The following PACS1 variants were observed in gnomAD, a reference collection of about 807,000 sequenced individuals.
PACS1 encodes phosphofurin acidic cluster sorting protein 1.
A neutral mutation model predicts 115.0 loss-of-function variants in PACS1; 24 were observed. The ratio of observed to expected loss-of-function variants is 0.21; its 90% CI spans 0.15 to 0.29. PACS1 has a LOEUF of 0.29. PACS1 is among the 10% of genes least tolerant of loss of function. The pLI, the probability that PACS1 is intolerant of heterozygous loss-of-function variation, is 1.00. For missense variants in PACS1, 838 were observed against 1,251.2 expected (o/e 0.67, Z 4.98); for synonymous variants, 453 against 504.5 (o/e 0.90, Z 1.37).
At chr11:66,124,952 C>T (rs921913324) in intron 1 of PACS1, among the ~76,000 whole-genome samples, 1 of 152,146 alleles carries the variant, frequency 6.6e-6, no homozygotes, top group Non-Finnish European at 1.5e-5. Flanking sequence ...GGTGGCCTGT[C>T]GCAGTTCCAG....
intron 1 of PACS1, among the ~76,000 whole-genome samples, chr11:66,127,654 CA>C (rs1858611980): frequency 6.6e-6 from 1 of 152,220 alleles, no homozygotes; most frequent in South Asian, 2.1e-4. Context: ...GTATTTCAGA[CA>C]GCGGCTCAAG....
In PACS1 at chr11:66,070,980, GCCTC is replaced by G; in HGVS notation, c.356+141_356+144del. 1 of 927,230 alleles carries G rather than the reference GCCTC, an allele frequency of 1.1e-6. No individual in the cohort carries two copies. Among genetic ancestry groups the G allele is most frequent in the Non-Finnish European group, 1.5e-6 (1 of 683,880 alleles). 57.4% of individuals were successfully genotyped at this position (927,230 alleles called of 1,614,324 possible). Reference sequence around the variant, plus strand: ...CGCGGCCCGGCCTGGCTCCAGCCAGGCCTCCCGGGACTCCTGCCACGGGGACCCG... The same window carrying G: ...CGCGGCCCGGCCTGGCTCCAGCCAGGCCGGGACTCCTGCCACGGGGACCCG... On this transcript the variant is annotated intron_variant, in intron 1 of 23. Coordinates refer to ENST00000320580, the MANE Select transcript of PACS1 (RefSeq NM_018026.4). The surrounding 1 kb of genome is among the most constrained non-coding windows in gnomAD (Gnocchi z 5.9).
Position 66,070,780 on chromosome 11 carries a change from G to A in PACS1, c.294G>A (p.Pro98=). 8 of 1,528,452 alleles carry A rather than the reference G, an allele frequency of 5.2e-6. No homozygotes were observed. The highest frequency in any genetic ancestry group is 1.7e-4 in the Middle Eastern group (1 of 5,744). The allele number at this position is 1,528,452 out of a possible 1,614,324, so 94.7% of individuals were successfully genotyped here. ...GGPGPGRTPA[P]VQMNLYATWE... is the part of the protein sequence containing the mutation. ...CGGGGCCAGGCCGCACCCCCGCCCC[G>A]GTGCAGATGAACCTGTACGCCACCT... Residue 98 remains proline (P), a synonymous_variant, in exon 1 of 24, where the codon CCG becomes CCA. Transcript: ENST00000320580. This position sits in a 1 kb window ranked among gnomAD's most constrained non-coding sequence, Gnocchi z 5.9.
At chr11:66,155,535 A>T (rs985983614) in intron 1 of PACS1, among the ~76,000 whole-genome samples, 2 of 152,190 alleles carry the variant, frequency 1.3e-5, no homozygotes, top group African/African-American at 2.4e-5. Flanking sequence ...TTCCAGCCAT[A>T]ATGAACTACC....
chr11:66,222,782 C>T (rs1230515896), intron 10 of PACS1, among the ~76,000 whole-genome samples: 4 of 152,124 alleles, frequency 2.6e-5, no homozygotes, highest in Admixed American at 2.6e-4. Flanking sequence ...TCTGAAAGGG[C>T]AGGTGCCTGT....
At chr11:66,177,335 C>T (rs1859889459) in intron 1 of PACS1, among the ~76,000 whole-genome samples, 1 of 151,936 alleles carries the variant, frequency 6.6e-6, no homozygotes, top group Admixed American at 6.6e-5. Flanking sequence ...TGGGATTACA[C>T]CATGCGCCAC....
intron 1 of PACS1, among the ~76,000 whole-genome samples, chr11:66,113,762 G>T (rs767422726): frequency 2.0e-4 from 31 of 152,242 alleles, no homozygotes; most frequent in Non-Finnish European, 3.8e-4. Flanking sequence ...TCAAACTCTT[G>T]CTCTGACATT....
At chr11:66,090,244 CTTCTCTTCTT>C (rs1265165063) in intron 1 of PACS1, among the ~76,000 whole-genome samples, 5 of 140,678 alleles carry the variant, frequency 3.6e-5, no homozygotes, top group East Asian at 2.0e-4. Flanking sequence ...TTTTCTTTCT[CTTCTCTTCTT>C]TTCTCTTCTT....
chr11:66,223,639 A>C (rs2134723842), intron 10 of PACS1, among the ~76,000 whole-genome samples: 1 of 152,196 alleles, frequency 6.6e-6, no homozygotes, highest in East Asian at 1.9e-4. Flanking sequence ...TGACTCTAGA[A>C]AGATACCTGG....
intron 1 of PACS1, among the ~76,000 whole-genome samples, chr11:66,142,500 G>T (rs2134595906): frequency 6.6e-6 from 1 of 151,620 alleles, no homozygotes; most frequent in East Asian, 2.0e-4. Flanking sequence ...TAGGGATGGG[G>T]TTTCGCCATG....
intron 11 of PACS1, among the ~76,000 whole-genome samples, chr11:66,230,046 G>A (rs1855553849): frequency 6.6e-6 from 1 of 151,602 alleles, no homozygotes; most frequent in South Asian, 2.1e-4. Context: ...TGGCCAGAGC[G>A]GGACACACAG....
intron 1 of PACS1, among the ~76,000 whole-genome samples, chr11:66,105,589 G>C (rs549369685): frequency 7.2e-5 from 11 of 152,218 alleles, no homozygotes; most frequent in Non-Finnish European, 1.6e-4. Context: ...TGGAATTTTT[G>C]GTGGTTTTTC....
At chr11:66,212,186 C>T (rs1213848207) in intron 4 of PACS1, among the ~76,000 whole-genome samples, 1 of 150,970 alleles carries the variant, frequency 6.6e-6, no homozygotes, top group Non-Finnish European at 1.5e-5. Flanking sequence ...GGCTGGAGTG[C>T]AGTGGCATGA....
chr11:66,094,640 C>A (rs929418150), intron 1 of PACS1, among the ~76,000 whole-genome samples: 1 of 152,218 alleles, frequency 6.6e-6, no homozygotes, highest in African/African-American at 2.4e-5. Flanking sequence ...GGTACCATTC[C>A]TTCTGAAACT....
intron 10 of PACS1, among the ~76,000 whole-genome samples, chr11:66,225,702 G>A (rs1325455770): frequency 1.3e-5 from 2 of 152,120 alleles, no homozygotes; most frequent in East Asian, 3.9e-4. Flanking sequence ...GCTGTCATAG[G>A]GCTTAACAAC....
At chr11:66,177,928 A>G (rs951388654) in intron 1 of PACS1, among the ~76,000 whole-genome samples, 1 of 152,124 alleles carries the variant, frequency 6.6e-6, no homozygotes, top group Admixed American at 6.5e-5. Flanking sequence ...CAATTAGCAC[A>G]ATAGTCCATA....
rs1383168505 is a variant in PACS1, at chr11:66,070,883, G to A, written c.356+41G>A. The A allele has an allele frequency of 1.4e-6, 2 of 1,400,406 alleles. No individual in the cohort carries two copies. The highest frequency in any genetic ancestry group is 1.8e-6 in the Non-Finnish European group (2 of 1,087,460). 86.7% of individuals were successfully genotyped at this position (1,400,406 alleles called of 1,614,324 possible). A position where few individuals can be genotyped will look rare whatever the true frequency, so the allele number is the denominator to read the frequency against. On this transcript the variant is annotated intron_variant, in intron 1 of 23. Transcript: ENST00000320580. This position sits in a 1 kb window ranked among gnomAD's most constrained non-coding sequence, Gnocchi z 5.9. ...TGCGGCGGGGCGCCGGGGGAGCGGG[G>A]TGGCCGCCGGGGCCCAGCCCTCCCC... is the stretch of plus-strand genomic sequence containing the variant.
intron 1 of PACS1, among the ~76,000 whole-genome samples, chr11:66,081,397 C>T (rs1784025936): frequency 6.6e-6 from 1 of 151,908 alleles, no homozygotes; most frequent in South Asian, 2.1e-4. Context: ...TTCTTGTCAA[C>T]CTAATTTCTC....
In PACS1 at chr11:66,243,396, C is replaced by T; in HGVS notation, c.*116C>T. The T allele has an allele frequency of 1.4e-6, 1 of 696,754 alleles. No homozygotes were observed. The allele number at this position is 696,754 out of a possible 1,614,324, so 43.2% of individuals were successfully genotyped here. A position where few individuals can be genotyped will look rare whatever the true frequency, so the allele number is the denominator to read the frequency against. On this transcript the variant is annotated 3_prime_UTR_variant, in exon 24 of 24. Coordinates refer to ENST00000320580, the MANE Select transcript of PACS1 (RefSeq NM_018026.4). Reference sequence around the variant, plus strand: ...CCCCTTCCCTGGCACCAGGGTCTGCCTCTCACTCGCCCAGGTCCCGAAGGA... The same window carrying T: ...CCCCTTCCCTGGCACCAGGGTCTGCTTCTCACTCGCCCAGGTCCCGAAGGA...
Sources: allele counts gnomAD v4.1 joint callset (sites outside exome capture counted in the v4.1 genomes callset), GRCh38; gene constraint gnomAD v4.1.1; non-coding constraint Gnocchi (gnomAD v3.1); transcripts MANE v1.5; gene names NCBI Gene and HGNC (gene_info 2026-07-23, HGNC 2026-07-21).